Variants in PPP3CA observed in about 807,000 individuals in gnomAD.
PPP3CA encodes CAM-PRP catalytic subunit.
In PPP3CA, 14 loss-of-function variants were observed where a neutral mutation model predicts 66.5. The ratio of observed to expected loss-of-function variants is 0.21; its 90% CI spans 0.14 to 0.33. PPP3CA has a LOEUF of 0.33. PPP3CA is among the 10% of genes least tolerant of loss of function. The pLI is 1.00. For synonymous variants in PPP3CA, 232 were observed against 226.2 expected (o/e 1.03, Z -0.23); for missense variants, 317 against 639.5 (o/e 0.50, Z 5.44).
At chr4:101,216,415 T>C (rs1315281905) in intron 1 of PPP3CA, among the ~76,000 whole-genome samples, 1 of 152,186 alleles carries the variant, frequency 6.6e-6, no homozygotes, top group African/African-American at 2.4e-5. Flanking sequence ...TTATGAATTA[T>C]ATTTCACCAG....
At chr4:101,110,505 T>C (rs1578457360) in intron 2 of PPP3CA, among the ~76,000 whole-genome samples, 1 of 151,006 alleles carries the variant, frequency 6.6e-6, no homozygotes, top group Non-Finnish European at 1.5e-5. Context: ...TCTTAAATAC[T>C]AACAAAATGG....
intron 2 of PPP3CA, among the ~76,000 whole-genome samples, chr4:101,151,790 G>A (rs961531051): frequency 6.7e-6 from 1 of 149,844 alleles, no homozygotes; most frequent in African/African-American, 2.5e-5. Flanking sequence ...CCGAGTAGCT[G>A]GGACTACAGG....
At chr4:101,295,466 G>GT (rs1198961143) in intron 1 of PPP3CA, among the ~76,000 whole-genome samples, 1 of 152,098 alleles carries the variant, frequency 6.6e-6, no homozygotes, top group East Asian at 1.9e-4. Flanking sequence ...TCCAAAATTA[G>GT]TACACGCATG....
chr4:101,271,258 T>C (rs182483035), intron 1 of PPP3CA, among the ~76,000 whole-genome samples: 1 of 152,260 alleles, frequency 6.6e-6, no homozygotes, highest in Non-Finnish European at 1.5e-5. Flanking sequence ...AATTTATGCA[T>C]TTAGCTAGTA....
chr4:101,168,037 C>T (rs1723748387), intron 2 of PPP3CA, among the ~76,000 whole-genome samples: 1 of 152,100 alleles, frequency 6.6e-6, no homozygotes, highest in African/African-American at 2.4e-5. Flanking sequence ...ACCAGCATCA[C>T]ACTGACCACT....
intron 1 of PPP3CA, among the ~76,000 whole-genome samples, chr4:101,295,223 C>G (rs905699814): frequency 6.7e-6 from 1 of 150,210 alleles, no homozygotes; most frequent in South Asian, 2.1e-4. Context: ...ATGGCGTGAA[C>G]CCGGGAAGCG....
chr4:101,346,195 G>A (rs930476630), intron 1 of PPP3CA, among the ~76,000 whole-genome samples: 2 of 152,218 alleles, frequency 1.3e-5, no homozygotes, highest in East Asian at 3.9e-4. Flanking sequence ...GGGGGAGGGG[G>A]AGGGGGAGGG....
intron 2 of PPP3CA, among the ~76,000 whole-genome samples, chr4:101,125,034 G>C (rs1722203086): frequency 6.6e-6 from 1 of 152,118 alleles, no homozygotes; most frequent in African/African-American, 2.4e-5. Context: ...AGAGTTTCGA[G>C]GTATCTTAAA....
chr4:101,044,126 A>G (rs1727658621), intron 10 of PPP3CA, among the ~76,000 whole-genome samples: 1 of 152,216 alleles, frequency 6.6e-6, no homozygotes, highest in Non-Finnish European at 1.5e-5. Context: ...ATGTGGATTG[A>G]TGTGTAATTC....
intron 2 of PPP3CA, among the ~76,000 whole-genome samples, chr4:101,153,637 A>G (rs973940537): frequency 4.6e-5 from 7 of 152,258 alleles, no homozygotes; most frequent in Non-Finnish European, 1.0e-4. Context: ...AGGGCTTCCA[A>G]TTAGAAAACC....
At chr4:101,048,637 T>C (rs1727877181) in intron 10 of PPP3CA, among the ~76,000 whole-genome samples, 1 of 151,734 alleles carries the variant, frequency 6.6e-6, no homozygotes, top group Non-Finnish European at 1.5e-5. Flanking sequence ...TTTTTGAAGA[T>C]TACAAACTAA....
intron 2 of PPP3CA, among the ~76,000 whole-genome samples, chr4:101,147,847 T>G (rs562929974): frequency 6.6e-6 from 1 of 152,110 alleles, no homozygotes; most frequent in Non-Finnish European, 1.5e-5. Context: ...AACTATAAAA[T>G]TAAAGTTAAC....
rs568152517 is a variant in PPP3CA at position 101,130,670 on chromosome 4, C to A, written c.260-21592G>T. On this transcript the variant is annotated intron_variant, in intron 2 of 13. Coordinates refer to ENST00000394854, the MANE Select transcript of PPP3CA (RefSeq NM_000944.5). ...CTCATAAATGAAGGAGAAATAAAAT[C>A]CTTTATAGACAAGCAAATGCTGAGG... Among the ~76,000 whole-genome samples, 214 of 152,260 alleles carry A rather than the reference C, an allele frequency of 1.4e-3. 2 individuals carry two copies. The highest frequency in any genetic ancestry group is 4.8e-3 in the African/African-American group (201 of 41,544).
At chr4:101,330,201 A>C (rs1192859697) in intron 1 of PPP3CA, 1 of 396,122 alleles carries the variant, frequency 2.5e-6, no homozygotes, top group Non-Finnish European at 5.0e-6. Context: ...AAGCCTTCAG[A>C]GGAGGGAGTA....
chr4:101,194,944 A>G lies in PPP3CA; in HGVS notation c.259+972T>C, dbSNP rs535555711. On this transcript the variant is annotated intron_variant, in intron 2 of 13. Transcript: ENST00000394854. Reference sequence around the variant, plus strand: ...TTACACAAAATATGTATCTGACCATAAGAAATAACAAAACTAAAACACGAA... The same window carrying G: ...TTACACAAAATATGTATCTGACCATGAGAAATAACAAAACTAAAACACGAA... Among the ~76,000 whole-genome samples, 23 of 152,262 alleles carry G rather than the reference A, an allele frequency of 1.5e-4. No individual in the cohort carries two copies. In the South Asian group the frequency reaches 2.9e-3, roughly 19 times the overall value.
intron 6 of PPP3CA, among the ~76,000 whole-genome samples, chr4:101,093,278 T>C (rs1016101912): frequency 1.3e-5 from 2 of 152,214 alleles, no homozygotes; most frequent in Non-Finnish European, 2.9e-5. Context: ...ACCACCCTGA[T>C]TAGTCAGTAA....
At chr4:101,109,725 G>GA (rs968241370) in intron 2 of PPP3CA, among the ~76,000 whole-genome samples, 40 of 147,254 alleles carry the variant, frequency 2.7e-4, no homozygotes, top group African/African-American at 7.7e-4. Flanking sequence ...ATGTTAAAGT[G>GA]AAAAAAACTA....
intron 10 of PPP3CA, among the ~76,000 whole-genome samples, chr4:101,045,149 A>T (rs1225403805): frequency 6.6e-6 from 1 of 152,216 alleles, no homozygotes; most frequent in Non-Finnish European, 1.5e-5. Flanking sequence ...TCCTTCATCA[A>T]ATATTCTTGT....
rs17031075 is a variant in PPP3CA, at chr4:101,268,514, T to A, written c.59-72398A>T. Among the ~76,000 whole-genome samples, 1,366 of 152,236 alleles carry A rather than the reference T, an allele frequency of 9.0e-3. 20 individuals are homozygous for A. Among genetic ancestry groups the A allele is most frequent in the African/African-American group, 0.031 (1,297 of 41,546 alleles). On this transcript the variant is annotated intron_variant, in intron 1 of 13. Coordinates refer to ENST00000394854, the MANE Select transcript of PPP3CA (RefSeq NM_000944.5). Reference sequence around the variant, plus strand: ...TCTTCCTCTACAATAGTACCCTAAATATGTCTATACCACTATAAAAACCTG... The same window carrying A: ...TCTTCCTCTACAATAGTACCCTAAAAATGTCTATACCACTATAAAAACCTG...
Sources: gnomAD v4.1 joint callset for allele counts (sites outside exome capture counted in the v4.1 genomes callset) on GRCh38, gnomAD v4.1.1 for gene constraint, MANE v1.5 for transcripts, NCBI Gene and HGNC (gene_info 2026-07-23, HGNC 2026-07-21) for gene names.